Variants in LMX1A observed in about 807,000 individuals in gnomAD.
LMX1A encodes the protein LIM homeobox transcription factor 1-alpha.
LMX1A carries 15 observed loss-of-function variants against 49.1 expected under a neutral mutation model. That is an observed-to-expected ratio of 0.31 (90% confidence interval 0.20 to 0.47). The LOEUF (loss-of-function observed/expected upper bound fraction) is 0.47, where lower values mean the gene tolerates loss of function less well. LMX1A is among the 20% of genes least tolerant of loss of function. The pLI is 1.00. For missense variants in LMX1A, 372 were observed against 475.8 expected (o/e 0.78, Z 2.03); for synonymous variants, 167 against 185.7 (o/e 0.90, Z 0.82).
At chr1:165,289,239 T>C (rs573326926) in intron 3 of LMX1A, among the ~76,000 whole-genome samples, 2,378 of 49,150 alleles carry the variant, frequency 0.048, 74 homozygotes, top group African/African-American at 0.14. Flanking sequence ...CTCTGATTAT[T>C]GATAAAAAAA....
intron 3 of LMX1A, among the ~76,000 whole-genome samples, chr1:165,341,127 C>A (rs1172385505): frequency 6.6e-6 from 1 of 152,142 alleles, no homozygotes. Context: ...CTGCTGGCTG[C>A]CTACTAACCA....
chr1:165,326,818 G>T (rs1045566882), intron 3 of LMX1A, among the ~76,000 whole-genome samples: 6 of 152,138 alleles, frequency 3.9e-5, no homozygotes, highest in African/African-American at 1.4e-4. Flanking sequence ...CCCCAACTAG[G>T]AGAGATTCTA....
At chr1:165,316,671 A>C (rs1655237704) in intron 3 of LMX1A, among the ~76,000 whole-genome samples, 1 of 152,158 alleles carries the variant, frequency 6.6e-6, no homozygotes, top group African/African-American at 2.4e-5. Context: ...ACATGCCCTC[A>C]TTTTCATCCA....
At chr1:165,290,906 A>G (rs1296099611) in intron 3 of LMX1A, among the ~76,000 whole-genome samples, 1 of 152,218 alleles carries the variant, frequency 6.6e-6, no homozygotes, top group Non-Finnish European at 1.5e-5. Flanking sequence ...ATTCTGATGC[A>G]CATAATGTTT....
Position 165,355,397 on chromosome 1 carries a change from G to T in LMX1A, c.76+87C>A. 1 of 1,313,648 alleles carries T rather than the reference G, an allele frequency of 7.6e-7. No homozygotes were observed. The highest frequency in any genetic ancestry group is 1.1e-6 in the Non-Finnish European group (1 of 923,274). The allele number at this position is 1,313,648 out of a possible 1,614,324, so 81.4% of individuals were successfully genotyped here. On this transcript the variant is annotated intron_variant, in intron 2 of 8. Transcript: ENST00000342310. The surrounding 1 kb of genome is among the most constrained non-coding windows in gnomAD (Gnocchi z 4.7). ...GAAGAGGGGCGCTAGCTTCCCTATC[G>T]CGGACCAGGTCCCAGAGAGCGGGGC...
chr1:165,233,207 C>T (rs1557857715), intron 4 of LMX1A, among the ~76,000 whole-genome samples: 1 of 152,202 alleles, frequency 6.6e-6, no homozygotes, highest in Non-Finnish European at 1.5e-5. Flanking sequence ...ATAATCCAAT[C>T]ACTATGGAAG....
chr1:165,262,103 T>C (rs1417154799), intron 3 of LMX1A, among the ~76,000 whole-genome samples: 1 of 152,206 alleles, frequency 6.6e-6, no homozygotes, highest in African/African-American at 2.4e-5. Flanking sequence ...TCATCATTTA[T>C]GCTCTACCTT....
intron 3 of LMX1A, among the ~76,000 whole-genome samples, chr1:165,292,060 T>C (rs1654487002): frequency 3.2e-5 from 1 of 30,826 alleles, no homozygotes; most frequent in African/African-American, 9.3e-5. Context: ...AAACTCCGTC[T>C]CAAAAAAAAA....
At chr1:165,270,385 A>G (rs1281305790) in intron 3 of LMX1A, among the ~76,000 whole-genome samples, 1 of 152,180 alleles carries the variant, frequency 6.6e-6, no homozygotes, top group East Asian at 1.9e-4. Flanking sequence ...TTGGAGACTC[A>G]GGAAACTCCT....
intron 3 of LMX1A, among the ~76,000 whole-genome samples, chr1:165,262,821 A>G (rs1571187466): frequency 6.7e-6 from 1 of 148,770 alleles, no homozygotes; most frequent in Non-Finnish European, 1.5e-5. Flanking sequence ...GCCTTTGTAG[A>G]AAAAAAAAAA....
At chr1:165,338,414 G>A (rs549454497) in intron 3 of LMX1A, among the ~76,000 whole-genome samples, 95 of 152,246 alleles carry the variant, frequency 6.2e-4, no homozygotes, top group African/African-American at 2.0e-3. Context: ...TTGAGTTGAG[G>A]GAAAGGGGCC....
At chr1:165,230,399 C>A (rs1380942152) in intron 4 of LMX1A, among the ~76,000 whole-genome samples, 2 of 149,348 alleles carry the variant, frequency 1.3e-5, no homozygotes, top group Non-Finnish European at 3.0e-5. Context: ...TAGGCAATGC[C>A]CAAGGAAACC....
At chr1:165,230,318 T>G (rs1215751280) in intron 4 of LMX1A, among the ~76,000 whole-genome samples, 1 of 152,256 alleles carries the variant, frequency 6.6e-6, no homozygotes, top group Admixed American at 6.5e-5. Context: ...ATGTTCTTTT[T>G]GCATAATGAT....
intron 3 of LMX1A, among the ~76,000 whole-genome samples, chr1:165,317,974 G>A (rs912470361): frequency 2.6e-5 from 4 of 152,234 alleles, no homozygotes; most frequent in Admixed American, 6.5e-5. Flanking sequence ...CCCCAAGGCA[G>A]GGAAGGGAAG....
intron 3 of LMX1A, among the ~76,000 whole-genome samples, chr1:165,351,596 C>T (rs892238275): frequency 6.6e-6 from 1 of 152,124 alleles, no homozygotes; most frequent in Admixed American, 6.5e-5. Flanking sequence ...ATCCAGCACA[C>T]GTTTCTTTTA....
In LMX1A at chr1:165,202,872, C is replaced by T. The variant is rs997792178; in HGVS notation, c.*1008G>A. The T allele has an allele frequency of 1.3e-5, 2 of 152,690 alleles. No individual in the cohort carries two copies. The highest frequency in any genetic ancestry group is 4.8e-5 in the African/African-American group (2 of 41,438). 9.5% of individuals were successfully genotyped at this position (152,690 alleles called of 1,614,324 possible). A position where few individuals can be genotyped will look rare whatever the true frequency, so the allele number is the denominator to read the frequency against. ...GTACCCTCCTTTGCCAAGTGAGTGGCCTGGTTGTATCTTAAACAAATATCA... is the reference window on the plus strand; with the variant it reads ...GTACCCTCCTTTGCCAAGTGAGTGGTCTGGTTGTATCTTAAACAAATATCA... On this transcript the variant is annotated 3_prime_UTR_variant, in exon 9 of 9. Transcript: ENST00000342310.
chr1:165,348,761 T>C (rs2101770211), intron 3 of LMX1A, among the ~76,000 whole-genome samples: 1 of 152,286 alleles, frequency 6.6e-6, no homozygotes, highest in South Asian at 2.1e-4. Context: ...CTTGATAAAA[T>C]GCAGAATTAG....
intron 4 of LMX1A, among the ~76,000 whole-genome samples, chr1:165,248,641 C>T (rs936136998): frequency 1.3e-5 from 2 of 152,162 alleles, no homozygotes; most frequent in African/African-American, 2.4e-5. Context: ...GGAGAAAGAA[C>T]GAAATCATTC....
At chr1:165,267,749 G>GT (rs1653671747) in intron 3 of LMX1A, among the ~76,000 whole-genome samples, 1 of 152,166 alleles carries the variant, frequency 6.6e-6, no homozygotes, top group African/African-American at 2.4e-5. Context: ...CGGGAGTAAT[G>GT]AAACCCACCG....
Sources: allele counts gnomAD v4.1 joint callset (sites outside exome capture counted in the v4.1 genomes callset), GRCh38; gene constraint gnomAD v4.1.1; non-coding constraint Gnocchi (gnomAD v3.1); transcripts MANE v1.5; gene names NCBI Gene and HGNC (gene_info 2026-07-23, HGNC 2026-07-21).